VPS13C: variants seen among roughly 807,000 people sequenced by gnomAD.
The protein encoded by VPS13C is intermembrane lipid transfer protein VPS13C.
VPS13C carries 358 observed loss-of-function variants against 456.8 expected under a neutral mutation model. The observed-to-expected ratio is 0.78, with a 90% CI of 0.72 to 0.86. The LOEUF is 0.86. Ranked by LOEUF, VPS13C falls within the 40% of genes least tolerant of loss-of-function variation. VPS13C has a pLI of 0.00. For synonymous variants in VPS13C, 1,578 were observed against 1,486.7 expected, an observed-to-expected ratio of 1.06 and a Z score of -1.41; for missense variants, 4,818 against 4,385.4, an observed-to-expected ratio of 1.10 and a Z score of -2.79.
chr15:62,058,062 C>G (rs2048858926), intron 1 of VPS13C, among the ~76,000 whole-genome samples: 1 of 152,026 alleles, frequency 6.6e-6, no homozygotes, highest in South Asian at 2.1e-4. Context: ...ATTATATCAT[C>G]CAGTATGATT....
chr15:61,968,619 A>G (rs2045452589), intron 28 of VPS13C, among the ~76,000 whole-genome samples: 1 of 152,176 alleles, frequency 6.6e-6, no homozygotes, highest in African/African-American at 2.4e-5. Context: ...CAATATATAC[A>G]CTGAAATGAA....
At chr15:62,039,620 A>G (rs2048177021) in intron 3 of VPS13C, among the ~76,000 whole-genome samples, 1 of 152,190 alleles carries the variant, frequency 6.6e-6, no homozygotes, top group Admixed American at 6.5e-5. Context: ...GCTCAACATC[A>G]CATCATCACA....
Position 61,856,374 on chromosome 15 carries a change from C to A in VPS13C, c.10988G>T (p.Gly3663Val). 2 of 1,613,146 alleles carry A rather than the reference C, an allele frequency of 1.2e-6. No homozygotes were observed. The highest frequency in any genetic ancestry group is 1.7e-6 in the Non-Finnish European group (2 of 1,179,524). The change falls in exon 83 of 85, where the codon GGC becomes GTC. Residue 3663 changes from glycine to valine, a missense_variant. Physicochemically the swap from Gly to Val is moderately radical, Grantham distance 109. Around this residue, in one of 3 missense-constraint regions of VPS13C, gnomAD observed 261 missense variants for 234.1 expected, o/e 1.11. Coordinates refer to ENST00000644861, the MANE Select transcript of VPS13C (RefSeq NM_020821.3). ...ACATTGCCAGTCTACACACATAAGG[C>A]CCAGGATTTCAACTTCCTTTATACA... ...VLCIKEVEILGLMCVDWQCPF... is the reference protein window; with the variant it reads ...VLCIKEVEILVLMCVDWQCPF...
chr15:61,854,658 G>A, intron 84 of VPS13C, 100 bp from the exon 85 acceptor site: 1 of 1,264,608 alleles, frequency 7.9e-7, no homozygotes, highest in Non-Finnish European at 1.2e-6. Context: ...CTCCAAACAG[G>A]ACCAACAGCT....
intron 2 of VPS13C, 88 bp downstream of exon 2, chr15:62,044,124 G>A: frequency 1.2e-6 from 1 of 833,244 alleles, no homozygotes; most frequent in Non-Finnish European, 1.9e-6. Flanking sequence ...ACTTTATCTA[G>A]TACATGGTAT....
At chr15:61,918,550 A>AT (rs912133605) in intron 58 of VPS13C, among the ~76,000 whole-genome samples, 2 of 152,012 alleles carry the variant, frequency 1.3e-5, no homozygotes, top group African/African-American at 4.8e-5. Context: ...GATTTAAGCC[A>AT]TTTTTTCTCC....
At chr15:62,000,331 T>C (rs1395752078) in intron 16 of VPS13C, among the ~76,000 whole-genome samples, 3 of 151,854 alleles carry the variant, frequency 2.0e-5, no homozygotes, top group African/African-American at 7.3e-5. Context: ...CGCCACTGCA[T>C]CCCAGCCCGG....
At chr15:62,019,245 G>C (rs985602524) in intron 9 of VPS13C, among the ~76,000 whole-genome samples, 18 of 152,104 alleles carry the variant, frequency 1.2e-4, no homozygotes, top group Middle Eastern at 3.4e-3. Flanking sequence ...ACCAGCTCCT[G>C]GATTCATTGA....
chr15:61,974,261 G>C, intron 25 of VPS13C, 27 bp downstream of exon 25: 1 of 1,600,332 alleles, frequency 6.2e-7, no homozygotes, highest in Non-Finnish European at 8.5e-7. Context: ...TAAAAATAGG[G>C]TTATACATTT....
At position 61,947,180 on chromosome 15, in the gene VPS13C, A is replaced by G. The variant is rs1166697017; in HGVS notation, c.4876+13T>C. ...AGAAACAGAAATACCTACAACAAGA[A>G]GTAACTACTTACCATGTATTTTAAT... On this transcript the variant is annotated intron_variant, in intron 43 of 84. Coordinates refer to ENST00000644861, the MANE Select transcript of VPS13C (RefSeq NM_020821.3). The G allele has an allele frequency of 3.4e-6, 5 of 1,488,046 alleles. No individual in the cohort carries two copies. The highest frequency in any genetic ancestry group is 2.7e-6 in the Non-Finnish European group (3 of 1,096,910). The allele number at this position is 1,488,046 out of a possible 1,614,324, so 92.2% of individuals were successfully genotyped here.
At position 61,974,309 on chromosome 15, in the gene VPS13C, T is replaced by A. The variant is rs765054649; in HGVS notation, c.2517A>T (p.Ser839=). The part of the protein sequence containing the change: ...MNSIPLPQKS[S]AQSPERQVSS... ...TTACCTGTCTCTCTGGAGACTGGGC[T>A]GATGATTTCTGTGGCAAAGGTATAC... The change falls in exon 25 of 85, where the codon TCA becomes TCT. Residue 839 remains serine (S), a synonymous_variant. Coordinates refer to ENST00000644861, the MANE Select transcript of VPS13C (RefSeq NM_020821.3). 1.7e-5 allele frequency: 28 copies of A among 1,612,128 alleles called. No individual in the cohort carries two copies. Among genetic ancestry groups the A allele is most frequent in the Non-Finnish European group, 2.4e-5 (28 of 1,178,800 alleles).
intron 21 of VPS13C, among the ~76,000 whole-genome samples, chr15:61,981,731 CGGGCGCCTGCAG>C (rs1288853758): frequency 6.6e-6 from 1 of 152,016 alleles, no homozygotes; most frequent in Non-Finnish European, 1.5e-5. Flanking sequence ...GGCGTGGTGG[CGGGCGCCTGCAG>C]CCCCAGCTAC....
Position 62,028,385 on chromosome 15 carries a change from T to C in VPS13C, c.421A>G (p.Asn141Asp), listed in dbSNP as rs755431892. ...HSGEFIYGLE[N>D]FVYKDIKPGR... is the part of the protein sequence containing the mutation. The stretch of plus-strand genomic sequence containing the variant: ...GGCTTGATGTCCTTGTAAACAAAGT[T>C]CTCCAAGCCATATATGAACTCCCCT... Residue 141 changes from asparagine to aspartate, a missense_variant, in exon 6 of 85, where the codon AAC (asparagine) becomes GAC (aspartate). This residue lies in a region of VPS13C where 4,552 missense variants were observed against 4,130.6 expected (regional missense o/e 1.10). Transcript: ENST00000644861. The C allele has an allele frequency of 1.1e-5, 18 of 1,612,798 alleles. No homozygotes were observed. Among genetic ancestry groups the C allele is most frequent in the African/African-American group, 5.4e-5 (4 of 74,766 alleles).
chr15:61,951,137 C>T, intron 39 of VPS13C, 113 bp from the exon 40 acceptor site: 2 of 594,676 alleles, frequency 3.4e-6, no homozygotes, highest in East Asian at 2.9e-5. Context: ...GGACTGTACA[C>T]TAAAAAGAGT....
chr15:61,928,169 G>C (rs2043930529), intron 51 of VPS13C, among the ~76,000 whole-genome samples: 1 of 151,984 alleles, frequency 6.6e-6, no homozygotes, highest in African/African-American at 2.4e-5. Flanking sequence ...CTGTGCACAT[G>C]TACCCTAAAA....
intron 64 of VPS13C, 27 bp from the exon 65 acceptor site, chr15:61,909,152 T>A: frequency 6.2e-7 from 1 of 1,611,412 alleles, no homozygotes; most frequent in Non-Finnish European, 8.5e-7. Flanking sequence ...AAAAGTATGT[T>A]TGATGTACTG....
intron 37 of VPS13C, among the ~76,000 whole-genome samples, chr15:61,957,997 C>T (rs1195212224): frequency 6.6e-6 from 1 of 151,358 alleles, no homozygotes; most frequent in Admixed American, 6.6e-5. Context: ...CAGGATGCTA[C>T]CATTTGTTTG....
At chr15:61,926,673 C>T (rs9788739) in intron 52 of VPS13C, among the ~76,000 whole-genome samples, 10,617 of 152,200 alleles carry the variant, frequency 0.07, 618 homozygotes, top group East Asian at 0.2. Context: ...AATATGAAAA[C>T]ATAATTGACA....
rs1225052367 is a variant in VPS13C, at chr15:62,020,553, A to G, written c.625-15T>C. 1 of 1,610,294 alleles carries G rather than the reference A, an allele frequency of 6.2e-7. No homozygotes were observed. The highest frequency in any genetic ancestry group is 8.5e-7 in the Non-Finnish European group (1 of 1,177,778). ...GGATCAGTGACCTACCAAAGAAGAAAAGATAACAGTAAAATATGCTGATGG... is the reference window on the plus strand; with the variant it reads ...GGATCAGTGACCTACCAAAGAAGAAGAGATAACAGTAAAATATGCTGATGG... On this transcript the variant is annotated splice_polypyrimidine_tract_variant and intron_variant, in intron 8 of 84. Coordinates refer to ENST00000644861, the MANE Select transcript of VPS13C (RefSeq NM_020821.3).
Sources: allele counts gnomAD v4.1 joint callset (sites outside exome capture counted in the v4.1 genomes callset), GRCh38; gene constraint gnomAD v4.1.1; regional missense constraint gnomAD v4.1.1; transcripts MANE v1.5; gene names NCBI Gene and HGNC (gene_info 2026-07-23, HGNC 2026-07-21).